The following MIPOL1 variants were observed in gnomAD, a reference collection of about 807,000 sequenced individuals.
MIPOL1 encodes the protein mirror-image polydactyly 1.
A neutral mutation model predicts 60.9 loss-of-function variants in MIPOL1; 57 were observed. The observed-to-expected ratio is 0.94, with a 90% confidence interval of 0.76 to 1.17. The LOEUF is 1.17. Among genes scored for constraint, MIPOL1 ranks in the 50% most tolerant of loss-of-function variants. The pLI is 0.00. For missense variants in MIPOL1, 551 were observed against 511.6 expected (o/e 1.08, Z -0.74); for synonymous variants, 179 against 168.8 (o/e 1.06, Z -0.47).
chr14:37,200,872 G>A (rs1965165253), intron 1 of MIPOL1, among the ~76,000 whole-genome samples: 1 of 102,796 alleles, frequency 9.7e-6, no homozygotes, highest in African/African-American at 6.0e-5. Context: ...GTGTGTGTGT[G>A]TGTGTGTGTG....
intron 12 of MIPOL1, among the ~76,000 whole-genome samples, chr14:37,540,762 A>G (rs528505647): frequency 6.6e-6 from 1 of 152,296 alleles, no homozygotes; most frequent in South Asian, 2.1e-4. Flanking sequence ...GAATTTACCA[A>G]GAACACTTTT....
At chr14:37,243,288 T>C (rs1393355703) in intron 1 of MIPOL1, among the ~76,000 whole-genome samples, 1 of 152,162 alleles carries the variant, frequency 6.6e-6, no homozygotes, top group South Asian at 2.1e-4. Flanking sequence ...TGGAGCTTGG[T>C]AAGCAGTAGG....
In MIPOL1 at chr14:37,508,017, A is replaced by G. The variant is rs534575186; in HGVS notation, c.1262+7879A>G. 9.3e-4 allele frequency among the ~76,000 whole-genome samples: 141 copies of G among 152,250 alleles called. 1 individual carries two copies. Among genetic ancestry groups the G allele is most frequent in the Admixed American group, 2.0e-3 (30 of 15,280 alleles). Reference sequence around the variant, plus strand: ...TGTATTTCATATTTAATTGCCATCAATTTGGCAAAATGTATCTTCATGAGG... The same window carrying G: ...TGTATTTCATATTTAATTGCCATCAGTTTGGCAAAATGTATCTTCATGAGG... On this transcript the variant is annotated intron_variant, in intron 12 of 12. Coordinates refer to ENST00000684589, the MANE Select transcript of MIPOL1 (RefSeq NM_001388067.1).
At chr14:37,245,843 A>G (rs536876652) in intron 1 of MIPOL1, among the ~76,000 whole-genome samples, 1 of 152,282 alleles carries the variant, frequency 6.6e-6, no homozygotes, top group East Asian at 1.9e-4. Flanking sequence ...ACTTAAGAGT[A>G]TAATAAATAA....
At chr14:37,432,888 C>T (rs889002871) in intron 11 of MIPOL1, among the ~76,000 whole-genome samples, 3 of 152,024 alleles carry the variant, frequency 2.0e-5, no homozygotes, top group Admixed American at 6.6e-5. Flanking sequence ...TATAGTATGA[C>T]ATGTTTATTA....
chr14:37,282,771 G>A (rs202032069), intron 6 of MIPOL1, among the ~76,000 whole-genome samples: 34 of 67,668 alleles, frequency 5.0e-4, no homozygotes, highest in African/African-American at 6.3e-4. Flanking sequence ...AAAAAAAAAA[G>A]AAGGTAGTTA....
At chr14:37,503,941 G>C (rs939737703) in intron 12 of MIPOL1, 2 of 152,100 alleles carry the variant, frequency 1.3e-5, no homozygotes, top group East Asian at 3.9e-4. Flanking sequence ...AACAAAAAAA[G>C]CAGGGTTTGC....
At chr14:37,343,618 C>G (rs1334057683) in intron 9 of MIPOL1, among the ~76,000 whole-genome samples, 2 of 152,098 alleles carry the variant, frequency 1.3e-5, no homozygotes, top group African/African-American at 4.8e-5. Context: ...GGAGGAAAAC[C>G]AGCAGCTATT....
intron 6 of MIPOL1, among the ~76,000 whole-genome samples, chr14:37,285,001 C>T (rs2084429321): frequency 6.6e-6 from 1 of 152,186 alleles, no homozygotes; most frequent in African/African-American, 2.4e-5. Flanking sequence ...TGCCAAATTG[C>T]TCTTCAGATG....
intron 10 of MIPOL1, among the ~76,000 whole-genome samples, chr14:37,409,379 C>A (rs2093643931): frequency 6.6e-6 from 1 of 151,400 alleles, no homozygotes; most frequent in South Asian, 2.1e-4. Flanking sequence ...TTCTAGGAAA[C>A]ATTAGGCAAA....
Position 37,547,120 on chromosome 14 carries a change from A to G in MIPOL1, c.*149A>G, listed in dbSNP as rs2095550484. 9.4e-6 allele frequency: 6 copies of G among 638,408 alleles called. No homozygotes were observed. The highest frequency in any genetic ancestry group is 1.9e-5 in the African/African-American group (1 of 53,946). The allele number at this position is 638,408 out of a possible 1,614,324, so 39.5% of individuals were successfully genotyped here. A position where few individuals can be genotyped will look rare whatever the true frequency, so the allele number is the denominator to read the frequency against. Reference sequence around the variant, plus strand: ...ACATTCCAAGCTGAGATAAAATCAAATCACAAATGTTTAACCACTTTGCTG... The same window carrying G: ...ACATTCCAAGCTGAGATAAAATCAAGTCACAAATGTTTAACCACTTTGCTG... On this transcript the variant is annotated 3_prime_UTR_variant, in exon 13 of 13. Transcript: ENST00000684589.
chr14:37,538,103 A>G (rs1251322268), intron 12 of MIPOL1, among the ~76,000 whole-genome samples: 1 of 152,196 alleles, frequency 6.6e-6, no homozygotes, highest in East Asian at 1.9e-4. Context: ...CTCACTAAGG[A>G]CTTAGTATGC....
chr14:37,455,655 G>A lies in MIPOL1; in HGVS notation c.1031+32706G>A, dbSNP rs577490125. Among the ~76,000 whole-genome samples the A allele has an allele frequency of 7.0e-4, 106 of 152,108 alleles. 2 individuals are homozygous for A. The highest frequency in any genetic ancestry group is 2.5e-3 in the African/African-American group (103 of 41,484). ...TGCCACTCTCCCCTCTCATTCACCA[G>A]TCAAATTAGGTGTGCTGCTTCTCTG... On this transcript the variant is annotated intron_variant, in intron 11 of 12. Coordinates refer to ENST00000684589, the MANE Select transcript of MIPOL1 (RefSeq NM_001388067.1).
chr14:37,385,310 A>C (rs2093034819), intron 10 of MIPOL1, among the ~76,000 whole-genome samples: 1 of 152,128 alleles, frequency 6.6e-6, no homozygotes, highest in South Asian at 2.1e-4. Context: ...GAGATTACAG[A>C]ACAACACTTT....
intron 10 of MIPOL1, among the ~76,000 whole-genome samples, chr14:37,391,192 A>G (rs1595552684): frequency 6.6e-6 from 1 of 152,138 alleles, no homozygotes; most frequent in East Asian, 1.9e-4. Context: ...GGAATGTGAC[A>G]TAGTGGCACA....
chr14:37,545,642 A>C, intron 12 of MIPOL1: 2 of 646,176 alleles, frequency 3.1e-6, no homozygotes, highest in Non-Finnish European at 5.6e-6. Flanking sequence ...ATTTTGTTTT[A>C]TTTTCCTGTT....
chr14:37,259,601 CTG>C (rs2082375404), intron 3 of MIPOL1, among the ~76,000 whole-genome samples: 1 of 151,882 alleles, frequency 6.6e-6, no homozygotes, highest in Non-Finnish European at 1.5e-5. Flanking sequence ...AAATCACTGT[CTG>C]TGCTTTCCAA....
chr14:37,473,855 A>G (rs10872902), intron 11 of MIPOL1, among the ~76,000 whole-genome samples: 88,193 of 133,448 alleles, frequency 0.66, 26,617 homozygotes, highest in Non-Finnish European at 0.68. Flanking sequence ...GAGTTTCACC[A>G]TACTAAAATA....
At chr14:37,458,511 A>G (rs2094502055) in intron 11 of MIPOL1, among the ~76,000 whole-genome samples, 1 of 152,186 alleles carries the variant, frequency 6.6e-6, no homozygotes, top group South Asian at 2.1e-4. Flanking sequence ...AATCAATACC[A>G]AGAGGAACTA....
Sources: gnomAD v4.1 joint callset for allele counts (sites outside exome capture counted in the v4.1 genomes callset) on GRCh38, gnomAD v4.1.1 for gene constraint, MANE v1.5 for transcripts, NCBI Gene and HGNC (gene_info 2026-07-23, HGNC 2026-07-21) for gene names.